The following ZFPM2 variants were observed in gnomAD, a reference collection of about 807,000 sequenced individuals.
ZFPM2 encodes the protein zinc finger protein ZFPM2.
A neutral mutation model predicts 98.6 loss-of-function variants in ZFPM2; 20 were observed. That is an observed-to-expected ratio of 0.20 (90% CI 0.14 to 0.29). The LOEUF is 0.29. Among genes scored for constraint, ZFPM2 ranks in the 10% least tolerant of loss-of-function variants. ZFPM2 has a pLI of 1.00. For missense variants in ZFPM2, 1,310 were observed against 1,388.6 expected (o/e 0.94, Z 0.90); for synonymous variants, 518 against 502.7 (o/e 1.03, Z -0.41).
At chr8:105,612,147 T>C (rs1816320433) in intron 4 of ZFPM2, among the ~76,000 whole-genome samples, 1 of 152,188 alleles carries the variant, frequency 6.6e-6, no homozygotes, top group Admixed American at 6.5e-5. Context: ...GGGTAAGATA[T>C]AGACTGTTTT....
intron 3 of ZFPM2, among the ~76,000 whole-genome samples, chr8:105,542,364 G>A (rs1367263976): frequency 6.6e-6 from 1 of 152,108 alleles, no homozygotes; most frequent in African/African-American, 2.4e-5. Flanking sequence ...TCTATAGCGA[G>A]ATGTGTTAAA....
At chr8:105,529,815 C>T (rs555623778) in intron 3 of ZFPM2, among the ~76,000 whole-genome samples, 1 of 152,134 alleles carries the variant, frequency 6.6e-6, no homozygotes, top group Admixed American at 6.6e-5. Context: ...ACTGCAACCT[C>T]TGCCTCCCAG....
chr8:105,710,061 TAAGGTTCTTTAGCC>T (rs1811345714), intron 5 of ZFPM2, among the ~76,000 whole-genome samples: 1 of 151,762 alleles, frequency 6.6e-6, no homozygotes, highest in Non-Finnish European at 1.5e-5. Flanking sequence ...ATAAGACTCA[TAAGGTTCTTTAGCC>T]ATTATTTAGT....
At chr8:105,329,196 G>A (rs915334062) in intron 1 of ZFPM2, among the ~76,000 whole-genome samples, 3 of 151,842 alleles carry the variant, frequency 2.0e-5, no homozygotes, top group Non-Finnish European at 4.4e-5. Flanking sequence ...CAGTTAGTTT[G>A]GGATCAGATG....
At chr8:105,564,779 T>C (rs1177455373) in intron 4 of ZFPM2, among the ~76,000 whole-genome samples, 5 of 152,048 alleles carry the variant, frequency 3.3e-5, no homozygotes, top group Admixed American at 6.6e-5. Context: ...GGAGGAAGTA[T>C]GCAAAAATTA....
rs1813906741 is a variant in ZFPM2 at position 105,798,721 on chromosome 8, C to T, written c.740-3C>T. The stretch of plus-strand genomic sequence containing the variant: ...AATGTGTCTCTTGTGTTTTTACCTG[C>T]AGAGGATATATTCCCTTGCAAGTCC... On this transcript the variant is annotated splice_polypyrimidine_tract_variant and splice_region_variant and intron_variant, in intron 6 of 7. Transcript: ENST00000407775. The T allele has an allele frequency of 6.2e-7, 1 of 1,611,298 alleles. No individual in the cohort carries two copies. The highest frequency in any genetic ancestry group is 8.5e-7 in the Non-Finnish European group (1 of 1,178,282).
chr8:105,679,601 C>T (rs191595183), intron 5 of ZFPM2, among the ~76,000 whole-genome samples: 2 of 151,904 alleles, frequency 1.3e-5, no homozygotes, highest in African/African-American at 4.8e-5. Context: ...AAAAGCAAGT[C>T]TGAGCAACAT....
In ZFPM2 at chr8:105,671,566, A is replaced by G. The variant is rs534577958; in HGVS notation, c.532+37209A>G. Among the ~76,000 whole-genome samples, 6 of 152,138 alleles carry G rather than the reference A, an allele frequency of 3.9e-5. No homozygotes were observed. The South Asian group carries it at 8.3e-4, about 21-fold the overall frequency. ...GAATTTTTACTTTTGAAGGTTGTCAAATTCATGCATCTTTCCATTTTATGA... is the reference window on the plus strand; with the variant it reads ...GAATTTTTACTTTTGAAGGTTGTCAGATTCATGCATCTTTCCATTTTATGA... On this transcript the variant is annotated intron_variant, in intron 5 of 7. Transcript: ENST00000407775.
chr8:105,495,831 C>T (rs1813455433), intron 3 of ZFPM2, among the ~76,000 whole-genome samples: 1 of 152,200 alleles, frequency 6.6e-6, no homozygotes, highest in African/African-American at 2.4e-5. Flanking sequence ...TTTACAGTTT[C>T]ACTGAACTTC....
chr8:105,541,264 G>C (rs1814570136), intron 3 of ZFPM2, among the ~76,000 whole-genome samples: 1 of 152,110 alleles, frequency 6.6e-6, no homozygotes. Flanking sequence ...AATCCTGTGT[G>C]AGAGGTATTA....
In ZFPM2 at chr8:105,801,612, C is replaced by T. The variant is rs1468957765; in HGVS notation, c.1530C>T (p.Val510=). 2 of 1,613,730 alleles carry T rather than the reference C, an allele frequency of 1.2e-6. No homozygotes were observed. Among genetic ancestry groups the T allele is most frequent in the South Asian group, 2.2e-5 (2 of 91,072 alleles). ...CTTTCCCCCAAGATATCACCATGGT[C>T]CCTCAAGCTTCAGAGATCTTAGCTA... is the stretch of plus-strand genomic sequence containing the variant. The part of the protein sequence containing the change: ...QFSFPQDITM[V]PQASEILAKM... The change falls in exon 8 of 8, where the codon GTC becomes GTT. Residue 510 remains valine (V), a synonymous_variant. Coordinates refer to ENST00000407775, the MANE Select transcript of ZFPM2 (RefSeq NM_012082.4).
intron 3 of ZFPM2, among the ~76,000 whole-genome samples, chr8:105,490,441 A>C (rs544976770): frequency 6.6e-6 from 1 of 152,322 alleles, no homozygotes; most frequent in East Asian, 1.9e-4. Flanking sequence ...AGAACCACTA[A>C]AAATCTGTAG....
intron 2 of ZFPM2, among the ~76,000 whole-genome samples, chr8:105,421,286 A>T (rs1811787589): frequency 6.6e-6 from 1 of 152,130 alleles, no homozygotes; most frequent in Admixed American, 6.5e-5. Context: ...TGTCAGATGT[A>T]CACAAAATAA....
At chr8:105,575,548 A>C (rs1055340339) in intron 4 of ZFPM2, among the ~76,000 whole-genome samples, 5 of 152,186 alleles carry the variant, frequency 3.3e-5, no homozygotes, top group African/African-American at 1.2e-4. Context: ...TGCTTCTTGA[A>C]GATTTTCTAA....
chr8:105,760,934 A>C (rs1175183457), intron 5 of ZFPM2, among the ~76,000 whole-genome samples: 1 of 152,068 alleles, frequency 6.6e-6, no homozygotes, highest in Non-Finnish European at 1.5e-5. Context: ...AACCATAGGA[A>C]GTATGAGATA....
intron 2 of ZFPM2, among the ~76,000 whole-genome samples, chr8:105,422,567 T>TGG (rs1470538174): frequency 1.3e-5 from 2 of 152,198 alleles, no homozygotes; most frequent in Non-Finnish European, 2.9e-5. Flanking sequence ...TTGGATTATT[T>TGG]GGAAGTTTCT....
At chr8:105,486,801 C>T (rs1813238466) in intron 3 of ZFPM2, among the ~76,000 whole-genome samples, 1 of 152,030 alleles carries the variant, frequency 6.6e-6, no homozygotes, top group Non-Finnish European at 1.5e-5. Flanking sequence ...TCAGATGGAC[C>T]AGAGATTCAA....
At chr8:105,688,238 G>T (rs1586198738) in intron 5 of ZFPM2, among the ~76,000 whole-genome samples, 1 of 152,092 alleles carries the variant, frequency 6.6e-6, no homozygotes, top group African/African-American at 2.4e-5. Context: ...AGTTGCTCAG[G>T]AGTTCTGATG....
At chr8:105,393,258 G>C (rs1323829714) in intron 1 of ZFPM2, among the ~76,000 whole-genome samples, 1 of 152,024 alleles carries the variant, frequency 6.6e-6, no homozygotes, top group African/African-American at 2.4e-5. Context: ...AATAGCTGAA[G>C]CATGTGCTAT....
Sources: allele counts gnomAD v4.1 joint callset (sites outside exome capture counted in the v4.1 genomes callset), GRCh38; gene constraint gnomAD v4.1.1; transcripts MANE v1.5; gene names NCBI Gene and HGNC (gene_info 2026-07-23, HGNC 2026-07-21).